H2BC5: variants seen among roughly 807,000 people sequenced by gnomAD.
H2BC5 encodes histone H2B type 1-D.
A neutral mutation model predicts 5.7 loss-of-function variants in H2BC5; 9 were observed. That is an observed-to-expected ratio of 1.57 (90% CI 0.95 to 2.74). The LOEUF (loss-of-function observed/expected upper bound fraction) is 2.74. H2BC5 is among the 30% of genes most tolerant of loss of function. The pLI is 0.00. For synonymous variants in H2BC5, 133 were observed against 70.9 expected, an observed-to-expected ratio of 1.88 and a Z score of -4.40; for missense variants, 175 against 168.8, an observed-to-expected ratio of 1.04 and a Z score of -0.20.
At chr6:26,164,707 T>C (rs1173070341) in intron 1 of H2BC5, among the ~76,000 whole-genome samples, 1 of 151,908 alleles carries the variant, frequency 6.6e-6, no homozygotes, top group African/African-American at 2.4e-5. Context: ...ACCTAACATC[T>C]TCCTGCTCCC....
chr6:26,162,606 ATC>A, downstream of H2BC5, among the ~76,000 whole-genome samples: 1 of 152,262 alleles, frequency 6.6e-6, no homozygotes, highest in South Asian at 2.1e-4. Context: ...CAGTGGCCGG[ATC>A]TCTGCTCACT....
chr6:26,169,048 A>C (rs1764480636), intron 1 of H2BC5, among the ~76,000 whole-genome samples: 1 of 152,204 alleles, frequency 6.6e-6, no homozygotes, highest in Admixed American at 6.5e-5. Flanking sequence ...TGGAAAAAAC[A>C]AATTAATGAA....
rs200655906 is a variant in H2BC5, at chr6:26,158,574, A to G, written c.*24A>G. 435 of 1,609,976 alleles carry G rather than the reference A, an allele frequency of 2.7e-4. 2 individuals carry two copies. Among genetic ancestry groups the G allele is most frequent in the Non-Finnish European group, 3.2e-4 (379 of 1,178,364 alleles). On this transcript the variant is annotated 3_prime_UTR_variant, in exon 1 of 1. Coordinates refer to ENST00000377777, the MANE Select transcript of H2BC5 (RefSeq NM_021063.4). ...AACTTTGCCAAGTAAGCATCTTTACACCTAATCCCAAAGGCTCTTTTAAGA... is the reference window on the plus strand; with the variant it reads ...AACTTTGCCAAGTAAGCATCTTTACGCCTAATCCCAAAGGCTCTTTTAAGA...
At chr6:26,169,515 T>C (rs986221422) in intron 1 of H2BC5, among the ~76,000 whole-genome samples, 1 of 152,180 alleles carries the variant, frequency 6.6e-6, no homozygotes, top group African/African-American at 2.4e-5. Context: ...TAATAAAATA[T>C]TGTTTTAAAA....
chr6:26,166,955 C>T (rs559883746), intron 1 of H2BC5, among the ~76,000 whole-genome samples: 1 of 151,644 alleles, frequency 6.6e-6, no homozygotes, highest in Non-Finnish European at 1.5e-5. Flanking sequence ...CCCGCCTAGC[C>T]CTCCCAAAGT....
At chr6:26,163,966 C>A in intron 1 of H2BC5, 1 of 290,360 alleles carries the variant, frequency 3.4e-6, no homozygotes, top group Non-Finnish European at 7.0e-6. Flanking sequence ...AAACAAGTCA[C>A]TGAAATCTGG....
At chr6:26,170,969 A>C (rs1254718931) in intron 1 of H2BC5, 1 of 152,176 alleles carries the variant, frequency 6.6e-6, no homozygotes, top group Non-Finnish European at 1.5e-5. Flanking sequence ...TTATTTCTTC[A>C]ATCAGGGGAG....
downstream of H2BC5, among the ~76,000 whole-genome samples, chr6:26,160,514 G>GAAAAAA (rs34183291): frequency 9.1e-5 from 5 of 55,144 alleles, no homozygotes; most frequent in African/African-American, 1.6e-4. Context: ...TCCTGTCTCT[G>GAAAAAA]AAAAAAAAAA....
downstream of H2BC5, chr6:26,163,551 C>T (rs1350302770): frequency 6.6e-6 from 1 of 152,136 alleles, no homozygotes; most frequent in Non-Finnish European, 1.5e-5. Flanking sequence ...GGATTCCCTT[C>T]CAAGGTGGCA....
At position 26,158,410 on chromosome 6, in the gene H2BC5, C is replaced by G. The variant is rs576529495; in HGVS notation, c.241C>G (p.Leu81Val). The G allele has an allele frequency of 6.2e-7, 1 of 1,614,300 alleles. No individual in the cohort carries two copies. Among genetic ancestry groups the G allele is most frequent in the Non-Finnish European group, 8.5e-7 (1 of 1,180,052 alleles). ...FERIAGEASRLAHYNKRSTIT... is the reference protein window; with the variant it reads ...FERIAGEASRVAHYNKRSTIT... ...GCGCATCGCAGGCGAGGCTTCCCGC[C>G]TGGCGCATTACAACAAGCGCTCGAC... is the stretch of plus-strand genomic sequence containing the variant. The change falls in exon 1 of 1, where the codon CTG becomes GTG. Residue 81 changes from leucine to valine, a missense_variant. By Grantham distance (32) the Leu-to-Val change is conservative (BLOSUM62 1). Coordinates refer to ENST00000377777, the MANE Select transcript of H2BC5 (RefSeq NM_021063.4).
rs373098770 is a variant in H2BC5, at chr6:26,158,158, A to G, written c.-12A>G. ...AGGTGTTTGCAACAGTGTTCTAACT[A>G]TTAACGCTACGATGCCTGAACCTAC... On this transcript the variant is annotated 5_prime_UTR_variant, in exon 1 of 1. Transcript: ENST00000377777. 89 of 1,610,784 alleles carry G rather than the reference A, an allele frequency of 5.5e-5. No homozygotes were observed. In the African/African-American group the frequency reaches 9.9e-4, roughly 18 times the overall value.
chr6:26,167,182 G>GC (rs1407119968), intron 1 of H2BC5, among the ~76,000 whole-genome samples: 1 of 151,864 alleles, frequency 6.6e-6, no homozygotes, highest in Non-Finnish European at 1.5e-5. Flanking sequence ...AGTGGCAGGG[G>GC]CCATCAGGGC....
chr6:26,167,006 TTTTC>T (rs1764442223), intron 1 of H2BC5, among the ~76,000 whole-genome samples: 2 of 151,432 alleles, frequency 1.3e-5, no homozygotes, highest in South Asian at 4.1e-4. Context: ...CGGCCTCTTT[TTTTC>T]TTTTCTTCAC....
At chr6:26,161,625 A>G (rs984567998), downstream of H2BC5, among the ~76,000 whole-genome samples, 1 of 152,030 alleles carries the variant, frequency 6.6e-6, no homozygotes, top group Admixed American at 6.6e-5. Flanking sequence ...ACAAAAAATT[A>G]GCCAGGCATG....
Position 26,168,459 on chromosome 6 carries a change from T to A in H2BC5, c.*10-2516T>A, listed in dbSNP as rs1353636475. ...GGCAACAAGACCAAAACTCCATTTT[T>A]TAAAAAAAAAAAATAAATAAATTAG... On this transcript the variant is annotated intron_variant, in intron 1 of 1. Transcript: ENST00000289316. Among the ~76,000 whole-genome samples the A allele has an allele frequency of 1.5e-4, 22 of 150,326 alleles. No individual in the cohort carries two copies. The South Asian group carries it at 1.7e-3, about 11-fold the overall frequency.
chr6:26,170,066 C>T (rs1187987669), intron 1 of H2BC5, among the ~76,000 whole-genome samples: 2 of 152,062 alleles, frequency 1.3e-5, no homozygotes, highest in Non-Finnish European at 2.9e-5. Context: ...TGTGTAATAC[C>T]TGTCAAATAA....
intron 1 of H2BC5, chr6:26,170,832 A>G (rs1389764966): frequency 1.3e-5 from 2 of 152,214 alleles, no homozygotes; most frequent in African/African-American, 2.4e-5. Context: ...TAATGCTACT[A>G]AAGTGTAGCT....
chr6:26,161,734 T>C (rs1294990382), downstream of H2BC5, among the ~76,000 whole-genome samples: 2 of 152,128 alleles, frequency 1.3e-5, no homozygotes, highest in Non-Finnish European at 2.9e-5. Flanking sequence ...ATCACACCAC[T>C]GCACTCCAGC....
At chr6:26,162,855 ATCT>A (rs1290169643), downstream of H2BC5, among the ~76,000 whole-genome samples, 3 of 151,990 alleles carry the variant, frequency 2.0e-5, no homozygotes, top group African/African-American at 7.2e-5. Context: ...TTTCCTTCTA[ATCT>A]TCTTTTAAGA....
Sources: gnomAD v4.1 joint callset for allele counts (sites outside exome capture counted in the v4.1 genomes callset) on GRCh38, gnomAD v4.1.1 for gene constraint, MANE v1.5 for transcripts, NCBI Gene and HGNC (gene_info 2026-07-23, HGNC 2026-07-21) for gene names.